Variants in TJP1 observed in about 807,000 individuals in gnomAD.
TJP1 encodes tight junction protein ZO-1.
In TJP1, 43 loss-of-function variants were observed where a neutral mutation model predicts 194.2. The observed-to-expected ratio is 0.22, with a 90% CI of 0.17 to 0.29. TJP1 has a LOEUF of 0.29. Ranked by LOEUF, TJP1 falls within the 10% of genes least tolerant of loss-of-function variation. The pLI is 1.00. For synonymous variants in TJP1, 801 were observed against 779.0 expected, an observed-to-expected ratio of 1.03 and a Z score of -0.47; for missense variants, 1,971 against 2,185.7, an observed-to-expected ratio of 0.90 and a Z score of 1.96.
chr15:29,949,331 T>TCCACCACCTCCA lies in TJP1; in HGVS notation c.306+6889_306+6900dup, dbSNP rs2055445523. ...CACCTCCACTTTCACCACCACTACC[T>TCCACCACCTCCA]CCACCACCTCCACCACCACCACCTC... On this transcript the variant is annotated intron_variant, in intron 2 of 28. Coordinates refer to the TJP1 transcript ENST00000356107. Among the ~76,000 whole-genome samples the TCCACCACCTCCA allele has an allele frequency of 3.9e-5, 3 of 76,194 alleles. 1 individual carries two copies. The highest frequency in any genetic ancestry group is 2.8e-4 in the Admixed American group (2 of 7,144). 50.0% of individuals were successfully genotyped at this position (76,194 alleles called of 152,430 possible).
chr15:29,865,588 T>A (rs1596137602), intron 2 of TJP1, among the ~76,000 whole-genome samples: 1 of 152,206 alleles, frequency 6.6e-6, no homozygotes. Context: ...ATGAGTGAAC[T>A]GCATTCATGT....
intron 2 of TJP1, among the ~76,000 whole-genome samples, chr15:29,905,478 T>C (rs2053777109): frequency 6.6e-6 from 1 of 152,222 alleles, no homozygotes; most frequent in Non-Finnish European, 1.5e-5. Flanking sequence ...CAAACAATCT[T>C]ACCAACCCAT....
intron 23 of TJP1, among the ~76,000 whole-genome samples, chr15:29,714,412 G>C (rs28526716): frequency 1.3e-5 from 2 of 149,602 alleles, no homozygotes; most frequent in African/African-American, 2.5e-5. Context: ...GTAATTTTTT[G>C]TATTTTTAGT....
chr15:29,857,795 C>A (rs1367515145), intron 2 of TJP1, among the ~76,000 whole-genome samples: 2 of 152,106 alleles, frequency 1.3e-5, no homozygotes, highest in African/African-American at 4.8e-5. Context: ...GAGTTTCACT[C>A]TTGTTGCCCA....
intron 2 of TJP1, among the ~76,000 whole-genome samples, chr15:29,921,037 T>C (rs2054341160): frequency 6.6e-6 from 1 of 152,170 alleles, no homozygotes; most frequent in Non-Finnish European, 1.5e-5. Context: ...AATTCAGGTA[T>C]TGGATATATG....
intron 2 of TJP1, among the ~76,000 whole-genome samples, chr15:29,891,670 T>A (rs2053312976): frequency 6.6e-6 from 1 of 152,228 alleles, no homozygotes; most frequent in African/African-American, 2.4e-5. Flanking sequence ...TGTGGTGATC[T>A]GTGATCAGCA....
intron 1 of TJP1, among the ~76,000 whole-genome samples, chr15:29,959,082 T>C (rs2056060913): frequency 6.6e-6 from 1 of 151,616 alleles, no homozygotes; most frequent in African/African-American, 2.4e-5. Flanking sequence ...CTCCGTCTCC[T>C]GGGTTCACGC....
At chr15:29,964,622 C>T (rs4779685) in intron 1 of TJP1, among the ~76,000 whole-genome samples, 41,673 of 152,044 alleles carry the variant, frequency 0.27, 5,863 homozygotes, top group East Asian at 0.39. Context: ...TAAATTTCTG[C>T]TGTTTTCAGC....
chr15:29,825,435 A>G (rs1025183479), upstream of TJP1, among the ~76,000 whole-genome samples: 1 of 152,212 alleles, frequency 6.6e-6, no homozygotes. Flanking sequence ...CTAAAAAACC[A>G]CAACACTTAA....
chr15:29,930,828 G>A (rs2054684041), intron 2 of TJP1, among the ~76,000 whole-genome samples: 1 of 152,158 alleles, frequency 6.6e-6, no homozygotes, highest in African/African-American at 2.4e-5. Flanking sequence ...GAATAACTAA[G>A]AAAATCTATA....
intron 2 of TJP1, among the ~76,000 whole-genome samples, chr15:29,894,970 C>T (rs900284909): frequency 2.0e-5 from 3 of 152,170 alleles, no homozygotes; most frequent in African/African-American, 4.8e-5. Flanking sequence ...GAGATGGTGC[C>T]CAGTTGTGCA....
At chr15:29,905,446 G>T (rs2152209271) in intron 2 of TJP1, among the ~76,000 whole-genome samples, 1 of 152,322 alleles carries the variant, frequency 6.6e-6, no homozygotes, top group African/African-American at 2.4e-5. Context: ...TGGGAAGATA[G>T]TTTGGCAGTT....
At chr15:29,943,415 G>A (rs1358977212) in intron 2 of TJP1, among the ~76,000 whole-genome samples, 1 of 151,838 alleles carries the variant, frequency 6.6e-6, no homozygotes, top group East Asian at 1.9e-4. Context: ...GGATCATGAG[G>A]TCAGGAGTTT....
intron 10 of TJP1, among the ~76,000 whole-genome samples, chr15:29,738,042 T>A (rs1014370938): frequency 6.6e-6 from 1 of 152,046 alleles, no homozygotes; most frequent in Non-Finnish European, 1.5e-5. Flanking sequence ...ATCCATTCTG[T>A]CCCTTTCTAG....
At chr15:29,880,537 C>G (rs953079535) in intron 2 of TJP1, among the ~76,000 whole-genome samples, 1 of 152,214 alleles carries the variant, frequency 6.6e-6, no homozygotes, top group Non-Finnish European at 1.5e-5. Flanking sequence ...CAGCAGTTCT[C>G]TAGAACTTAC....
At chr15:29,956,634 C>G (rs1242518818) in intron 1 of TJP1, among the ~76,000 whole-genome samples, 1 of 152,198 alleles carries the variant, frequency 6.6e-6, no homozygotes, top group Non-Finnish European at 1.5e-5. Context: ...AATCTCAGTA[C>G]TTTCAGTGGC....
intron 2 of TJP1, among the ~76,000 whole-genome samples, chr15:29,776,332 G>A (rs181699314): frequency 2.0e-5 from 3 of 152,184 alleles, no homozygotes; most frequent in East Asian, 1.9e-4. Context: ...GACTTTCACC[G>A]CTGAAGAGAA....
chr15:29,774,389 C>T (rs370481922), intron 2 of TJP1, among the ~76,000 whole-genome samples: 26 of 151,958 alleles, frequency 1.7e-4, no homozygotes, highest in African/African-American at 6.0e-4. Flanking sequence ...ATGGATAAAA[C>T]GTGATATATA....
chr15:29,743,213 A>C (rs1280582313), intron 8 of TJP1, among the ~76,000 whole-genome samples: 1 of 152,194 alleles, frequency 6.6e-6, no homozygotes, highest in African/African-American at 2.4e-5. Context: ...GAGTCTTCTA[A>C]AGTAAGACTC....
Sources: gnomAD v4.1 joint callset for allele counts (sites outside exome capture counted in the v4.1 genomes callset) on GRCh38, gnomAD v4.1.1 for gene constraint, MANE v1.5 for transcripts, NCBI Gene and HGNC (gene_info 2026-07-23, HGNC 2026-07-21) for gene names.